AAGAB: variants seen among roughly 807,000 people sequenced by gnomAD.
The protein encoded by AAGAB is alpha- and gamma-adaptin-binding protein p34.
AAGAB carries 38 observed loss-of-function variants against 44.1 expected under a neutral mutation model. That is an observed-to-expected ratio of 0.86 (90% CI 0.67 to 1.13). AAGAB has a LOEUF of 1.13. AAGAB is among the 50% of genes most tolerant of loss of function. The pLI is 0.00. For synonymous variants in AAGAB, 131 were observed against 131.8 expected, an observed-to-expected ratio of 0.99 and a Z score of 0.04; for missense variants, 450 against 373.8, an observed-to-expected ratio of 1.20 and a Z score of -1.68.
intron 1 of AAGAB, among the ~76,000 whole-genome samples, chr15:67,250,634 T>C (rs982152329): frequency 6.6e-6 from 1 of 152,184 alleles, no homozygotes; most frequent in African/African-American, 2.4e-5. Flanking sequence ...GTAAAATATA[T>C]GTGAGGTGGA....
At position 67,236,405 on chromosome 15, in the gene AAGAB, T is replaced by C. The variant is rs1055058820; in HGVS notation, c.361+3A>G. ...CAACTACTGTCCCATCCACAGGCCT[T>C]ACCATCTTCAGACACTCTATCGCAG... On this transcript the variant is annotated splice_donor_region_variant and intron_variant, in intron 3 of 9. Transcript: ENST00000261880. The C allele has an allele frequency of 4.3e-6, 7 of 1,613,442 alleles. No individual in the cohort carries two copies. The highest frequency in any genetic ancestry group is 1.3e-5 in the African/African-American group (1 of 75,036).
chr15:67,233,776 T>C (rs957767199), intron 4 of AAGAB, among the ~76,000 whole-genome samples: 8 of 152,154 alleles, frequency 5.3e-5, no homozygotes, highest in Non-Finnish European at 4.4e-5. Flanking sequence ...TAATGTAACC[T>C]TCCCCCTACA....
intron 7 of AAGAB, among the ~76,000 whole-genome samples, chr15:67,206,898 C>G (rs1239754612): frequency 1.3e-5 from 2 of 152,180 alleles, no homozygotes; most frequent in South Asian, 2.1e-4. Flanking sequence ...AAAGCAAGAT[C>G]TGGCCAGGCG....
At chr15:67,235,431 G>C (rs1964437659) in intron 4 of AAGAB, among the ~76,000 whole-genome samples, 1 of 152,174 alleles carries the variant, frequency 6.6e-6, no homozygotes, top group Admixed American at 6.5e-5. Flanking sequence ...AAAAGAAATG[G>C]GGAAGGGGAG....
intron 5 of AAGAB, among the ~76,000 whole-genome samples, chr15:67,218,073 AATAG>A (rs1211138060): frequency 6.6e-6 from 1 of 152,222 alleles, no homozygotes; most frequent in Non-Finnish European, 1.5e-5. Context: ...ATTGAACTAT[AATAG>A]ATAGATTGAA....
intron 5 of AAGAB, among the ~76,000 whole-genome samples, chr15:67,220,867 T>C (rs571730265): frequency 1.3e-5 from 2 of 152,344 alleles, no homozygotes; most frequent in African/African-American, 4.8e-5. Flanking sequence ...TATCTACTTT[T>C]TGCCTAGATC....
chr15:67,209,894 T>G (rs1195941178), intron 5 of AAGAB, among the ~76,000 whole-genome samples: 1 of 152,204 alleles, frequency 6.6e-6, no homozygotes, highest in Admixed American at 6.5e-5. Context: ...CTTGAACTCC[T>G]GGCCTCAAGC....
chr15:67,216,987 CTTAT>C (rs537524589), intron 5 of AAGAB, among the ~76,000 whole-genome samples: 7 of 151,988 alleles, frequency 4.6e-5, no homozygotes, highest in Non-Finnish European at 8.8e-5. Context: ...ACTCTTATTC[CTTAT>C]TTTTTTCCTC....
chr15:67,222,548 A>T (rs1208622637), intron 5 of AAGAB, among the ~76,000 whole-genome samples: 1 of 151,886 alleles, frequency 6.6e-6, no homozygotes, highest in African/African-American at 2.4e-5. Flanking sequence ...CTCATGACAC[A>T]TCTCCCCACT....
chr15:67,212,160 C>T (rs1331557477), intron 5 of AAGAB, among the ~76,000 whole-genome samples: 2 of 152,122 alleles, frequency 1.3e-5, no homozygotes, highest in African/African-American at 4.8e-5. Context: ...GGATTATAGG[C>T]GTGAGCTACG....
chr15:67,239,282 G>A (rs555199642), intron 1 of AAGAB, among the ~76,000 whole-genome samples: 8 of 152,026 alleles, frequency 5.3e-5, no homozygotes, highest in Non-Finnish European at 1.0e-4. Context: ...ATTACTAACT[G>A]CAATTTAAAA....
intron 1 of AAGAB, among the ~76,000 whole-genome samples, chr15:67,240,984 G>A (rs1024418148): frequency 1.2e-4 from 18 of 151,308 alleles, no homozygotes; most frequent in African/African-American, 4.4e-4. Context: ...GCATGAATTA[G>A]AAGGCAACAT....
At position 67,245,800 on chromosome 15, in the gene AAGAB, A is replaced by G. The variant is rs192264672; in HGVS notation, c.73+8759T>C. On this transcript the variant is annotated intron_variant, in intron 1 of 9. Transcript: ENST00000261880. ...TGTTTAAAGTCAGATCGCTTAAAAAAGGATAGAATTCAGTACTCAATCCAC... is the reference window on the plus strand; with the variant it reads ...TGTTTAAAGTCAGATCGCTTAAAAAGGGATAGAATTCAGTACTCAATCCAC... Among the ~76,000 whole-genome samples, 8 of 152,360 alleles carry G rather than the reference A, an allele frequency of 5.3e-5. No individual in the cohort carries two copies. The East Asian group carries it at 1.5e-3, about 29-fold the overall frequency.
chr15:67,246,895 C>A (rs899314632), intron 1 of AAGAB, among the ~76,000 whole-genome samples: 2 of 152,226 alleles, frequency 1.3e-5, no homozygotes, highest in Admixed American at 1.3e-4. Context: ...GGAATAAAAG[C>A]TGGCCACCCA....
chr15:67,225,982 C>G lies in AAGAB; in HGVS notation c.535+5832G>C, dbSNP rs78800904. Reference sequence around the variant, plus strand: ...GTGGCTGCAGCACCATTTTATATTCCCACCATCAGTGCACAAGGTTTCTAA... The same window carrying G: ...GTGGCTGCAGCACCATTTTATATTCGCACCATCAGTGCACAAGGTTTCTAA... On this transcript the variant is annotated intron_variant, in intron 5 of 9. Coordinates refer to ENST00000261880, the MANE Select transcript of AAGAB (RefSeq NM_024666.5). 2.1e-4 allele frequency among the ~76,000 whole-genome samples: 32 copies of G among 152,238 alleles called. No individual in the cohort carries two copies. In the East Asian group the frequency reaches 5.8e-3, roughly 28 times the overall value.
At chr15:67,207,359 T>C (rs1460638180) in intron 7 of AAGAB, among the ~76,000 whole-genome samples, 15 of 152,154 alleles carry the variant, frequency 9.9e-5, no homozygotes, top group Non-Finnish European at 2.9e-5. Context: ...CACACACATC[T>C]GTATTTATTT....
At chr15:67,241,070 C>CACACACACA (rs951354602) in intron 1 of AAGAB, among the ~76,000 whole-genome samples, 2 of 148,742 alleles carry the variant, frequency 1.3e-5, no homozygotes, top group South Asian at 4.3e-4. Flanking sequence ...CACACACACA[C>CACACACACA]ATTTTATCTA....
At chr15:67,238,233 C>G (rs1418218475) in intron 1 of AAGAB, among the ~76,000 whole-genome samples, 1 of 152,134 alleles carries the variant, frequency 6.6e-6, no homozygotes, top group Non-Finnish European at 1.5e-5. Context: ...AACAGAAGGT[C>G]TATGTCAATA....
At chr15:67,236,119 G>T in intron 3 of AAGAB, 51 bp from the exon 4 acceptor site, 1 of 1,347,656 alleles carries the variant, frequency 7.4e-7, no homozygotes, top group Non-Finnish European at 1.1e-6. Flanking sequence ...AATAAAACAT[G>T]ACTATTCCTG....
Sources: gnomAD v4.1 joint callset for allele counts (sites outside exome capture counted in the v4.1 genomes callset) on GRCh38, gnomAD v4.1.1 for gene constraint, MANE v1.5 for transcripts, NCBI Gene and HGNC (gene_info 2026-07-23, HGNC 2026-07-21) for gene names.